The following CDH8 variants were observed in gnomAD, a reference collection of about 807,000 sequenced individuals.
CDH8 encodes the protein cadherin 8.
CDH8 carries 17 observed loss-of-function variants against 68.1 expected under a neutral mutation model. The ratio of observed to expected loss-of-function variants is 0.25; its 90% CI spans 0.17 to 0.37. The LOEUF is 0.37. CDH8 is among the 10% of genes least tolerant of loss of function. The probability of loss-of-function intolerance (pLI) is 1.00; values close to 1 mark genes in which losing one functional copy is unlikely to be tolerated. For synonymous variants in CDH8, 372 were observed against 365.1 expected, an observed-to-expected ratio of 1.02 and a Z score of -0.21; for missense variants, 763 against 999.3, an observed-to-expected ratio of 0.76 and a Z score of 3.19.
At chr16:61,681,939 C>A (rs918934263) in intron 10 of CDH8, among the ~76,000 whole-genome samples, 1 of 151,788 alleles carries the variant, frequency 6.6e-6, no homozygotes, top group Non-Finnish European at 1.5e-5. Context: ...ATTCATAATG[C>A]TTTGCAAAGG....
At chr16:61,774,161 T>G (rs904595082) in intron 8 of CDH8, among the ~76,000 whole-genome samples, 1 of 152,038 alleles carries the variant, frequency 6.6e-6, no homozygotes, top group Non-Finnish European at 1.5e-5. Flanking sequence ...TCAGACCAAC[T>G]GATAAACGGG....
At chr16:61,685,649 G>T (rs954765620) in intron 10 of CDH8, among the ~76,000 whole-genome samples, 1 of 151,788 alleles carries the variant, frequency 6.6e-6, no homozygotes. Flanking sequence ...GAAGACATAG[G>T]GTATGCAAAG....
intron 2 of CDH8, among the ~76,000 whole-genome samples, chr16:61,932,138 C>T (rs1280933155): frequency 2.0e-5 from 3 of 148,964 alleles, no homozygotes; most frequent in Non-Finnish European, 4.4e-5. Flanking sequence ...ACCCGGGAGG[C>T]GGAGCTTGCA....
intron 2 of CDH8, among the ~76,000 whole-genome samples, chr16:61,989,365 C>G (rs561039338): frequency 1.3e-5 from 2 of 152,234 alleles, no homozygotes; most frequent in African/African-American, 2.4e-5. Flanking sequence ...TGGCTAGTGG[C>G]AAAGTGCTGA....
At chr16:62,019,460 T>A (rs1049392633) in intron 2 of CDH8, among the ~76,000 whole-genome samples, 3 of 152,164 alleles carry the variant, frequency 2.0e-5, no homozygotes, top group African/African-American at 7.2e-5. Context: ...GAAGCTCATA[T>A]CCAAAACCCA....
chr16:61,774,289 G>A (rs561805349), intron 8 of CDH8, among the ~76,000 whole-genome samples: 2 of 151,886 alleles, frequency 1.3e-5, no homozygotes, highest in Admixed American at 6.6e-5. Flanking sequence ...AAACAGACAG[G>A]GGACGCGAGG....
At chr16:61,792,215 TGGGGTG>T (rs1273453088) in intron 7 of CDH8, among the ~76,000 whole-genome samples, 1 of 152,022 alleles carries the variant, frequency 6.6e-6, no homozygotes, top group African/African-American at 2.4e-5. Flanking sequence ...ACAGACTTTA[TGGGGTG>T]AGTCATAGGA....
intron 9 of CDH8, chr16:61,725,597 T>A (rs369209622): frequency 5.3e-5 from 8 of 150,920 alleles, no homozygotes; most frequent in African/African-American, 1.9e-4. Flanking sequence ...CATATTTTGA[T>A]CAAACTCTCT....
intron 10 of CDH8, among the ~76,000 whole-genome samples, chr16:61,695,031 A>T (rs539991412): frequency 2.0e-5 from 3 of 152,036 alleles, no homozygotes; most frequent in African/African-American, 7.2e-5. Flanking sequence ...CCCCCGCCTC[A>T]GCCCCTCAAA....
chr16:61,917,757 C>G (rs1299055255), intron 2 of CDH8, among the ~76,000 whole-genome samples: 1 of 152,098 alleles, frequency 6.6e-6, no homozygotes, highest in Non-Finnish European at 1.5e-5. Context: ...CTTCTTTGCA[C>G]AGGGTACTGA....
chr16:61,780,343 C>T lies in CDH8; in HGVS notation c.1414+9003G>A, dbSNP rs550512616. On this transcript the variant is annotated intron_variant, in intron 8 of 11. Coordinates refer to ENST00000577390, the MANE Select transcript of CDH8 (RefSeq NM_001796.5). ...AAGATGTGCCAGTTGATCAGGATAACATGTTAGATCCACTACCACTGAAAT... is the reference window on the plus strand; with the variant it reads ...AAGATGTGCCAGTTGATCAGGATAATATGTTAGATCCACTACCACTGAAAT... Among the ~76,000 whole-genome samples the T allele has an allele frequency of 4.6e-5, 7 of 152,312 alleles. No homozygotes were observed. The South Asian group carries it at 1.5e-3, about 32-fold the overall frequency.
chr16:61,938,061 TGCCC>T (rs944322306), intron 2 of CDH8: 1 of 152,206 alleles, frequency 6.6e-6, no homozygotes, highest in African/African-American at 2.4e-5. Flanking sequence ...ATTTCACTGA[TGCCC>T]AGAAAACTAA....
chr16:62,029,244 G>A (rs1014554074), intron 1 of CDH8, among the ~76,000 whole-genome samples: 3 of 152,170 alleles, frequency 2.0e-5, no homozygotes, highest in African/African-American at 7.2e-5. Flanking sequence ...GATGTTTCGA[G>A]TGCTTAACCG....
chr16:61,856,060 A>AT (rs1963040300), intron 4 of CDH8, among the ~76,000 whole-genome samples: 1 of 152,092 alleles, frequency 6.6e-6, no homozygotes, highest in Non-Finnish European at 1.5e-5. Flanking sequence ...ACGTATTAAG[A>AT]TTTTACCCTT....
chr16:61,741,530 A>G (rs1302955591), intron 8 of CDH8, among the ~76,000 whole-genome samples: 6 of 152,158 alleles, frequency 3.9e-5, no homozygotes, highest in Non-Finnish European at 8.8e-5. Flanking sequence ...TCTTTGACCT[A>G]TGTGAACATT....
chr16:61,661,108 A>T lies in CDH8; in HGVS notation c.1655-5387T>A, dbSNP rs184532221. Among the ~76,000 whole-genome samples the T allele has an allele frequency of 3.2e-3, 484 of 152,202 alleles. 3 individuals are homozygous for T. The highest frequency in any genetic ancestry group is 0.011 in the African/African-American group (470 of 41,558). Reference sequence around the variant, plus strand: ...GTATAAAACAATTATGTTTTTCAGCATAAAATATCTATTTTTTGAGCATAA... The same window carrying T: ...GTATAAAACAATTATGTTTTTCAGCTTAAAATATCTATTTTTTGAGCATAA... On this transcript the variant is annotated intron_variant, in intron 10 of 11. Coordinates refer to ENST00000577390, the MANE Select transcript of CDH8 (RefSeq NM_001796.5).
At chr16:61,914,471 G>C (rs1248549526) in intron 2 of CDH8, among the ~76,000 whole-genome samples, 1 of 152,076 alleles carries the variant, frequency 6.6e-6, no homozygotes, top group African/African-American at 2.4e-5. Context: ...TTGCAGATGT[G>C]ACTAAATTAA....
rs1965094298 is a variant in CDH8, at chr16:61,960,153, G to GTGTGTGTGTACACATACATATATACATA, written c.253-58681_253-58680insTATGTATATATGTATGTGTACACACACA. Among the ~76,000 whole-genome samples the GTGTGTGTGTACACATACATATATACATA allele has an allele frequency of 3.3e-4, 13 of 39,862 alleles. 4 individuals are homozygous for GTGTGTGTGTACACATACATATATACATA. The highest frequency in any genetic ancestry group is 4.4e-4 in the Non-Finnish European group (11 of 24,834). The allele number at this position is 39,862 out of a possible 152,430, so 26.2% of individuals were successfully genotyped here. A position where few individuals can be genotyped will look rare whatever the true frequency, so the allele number is the denominator to read the frequency against. The stretch of plus-strand genomic sequence containing the variant: ...TGTATACACATACATATATACATAT[G>GTGTGTGTGTACACATACATATATACATA]TGTGTGTGTATACACATACATATAT... On this transcript the variant is annotated intron_variant, in intron 2 of 11. Coordinates refer to ENST00000577390, the MANE Select transcript of CDH8 (RefSeq NM_001796.5).
At chr16:61,799,571 T>C (rs1052435763) in intron 7 of CDH8, among the ~76,000 whole-genome samples, 2 of 152,112 alleles carry the variant, frequency 1.3e-5, no homozygotes, top group African/African-American at 4.8e-5. Context: ...AAGAGAAATA[T>C]GTATAATATC....
Sources: allele counts gnomAD v4.1 joint callset (sites outside exome capture counted in the v4.1 genomes callset), GRCh38; gene constraint gnomAD v4.1.1; transcripts MANE v1.5; gene names NCBI Gene and HGNC (gene_info 2026-07-23, HGNC 2026-07-21).